Variants in FILIP1 observed in about 807,000 individuals in gnomAD.
FILIP1 encodes the protein filamin A interacting protein 1, also known as filamin-A-interacting protein 1.
Under a neutral mutation model 102.1 loss-of-function variants are expected in FILIP1, and 61 were observed. The ratio of observed to expected loss-of-function variants is 0.60; its 90% confidence interval spans 0.49 to 0.74. The LOEUF is 0.74. Among genes scored for constraint, FILIP1 ranks in the 30% least tolerant of loss-of-function variants. The pLI, the probability that FILIP1 is intolerant of heterozygous loss-of-function variation, is 0.00. For synonymous variants in FILIP1, 491 were observed against 526.9 expected (o/e 0.93, Z 0.93); for missense variants, 1,314 against 1,441.2 (o/e 0.91, Z 1.43).
At chr6:75,357,174 T>C (rs1408147850) in intron 3 of FILIP1, 1 of 152,236 alleles carries the variant, frequency 6.6e-6, no homozygotes, top group Admixed American at 6.5e-5. Flanking sequence ...CTGCCTGTCA[T>C]ACAATGATAC....
At chr6:75,327,764 G>T (rs1390143243) in intron 4 of FILIP1, among the ~76,000 whole-genome samples, 1 of 151,514 alleles carries the variant, frequency 6.6e-6, no homozygotes, top group Non-Finnish European at 1.5e-5. Context: ...ATGAAAACAT[G>T]CTACTATTGA....
At chr6:75,373,078 A>C (rs2149629730) in intron 2 of FILIP1, among the ~76,000 whole-genome samples, 1 of 152,370 alleles carries the variant, frequency 6.6e-6, no homozygotes, top group South Asian at 2.1e-4. Flanking sequence ...TGGTACATAC[A>C]TACAATGGAA....
chr6:75,344,166 T>C (rs1222667299), intron 4 of FILIP1, among the ~76,000 whole-genome samples: 3 of 152,156 alleles, frequency 2.0e-5, no homozygotes, highest in African/African-American at 7.2e-5. Flanking sequence ...TTTTTGTTTG[T>C]TTGTTGTTTG....
At chr6:75,344,770 T>C (rs1393166501) in intron 4 of FILIP1, among the ~76,000 whole-genome samples, 1 of 152,220 alleles carries the variant, frequency 6.6e-6, no homozygotes, top group Non-Finnish European at 1.5e-5. Context: ...GTATGAGGCC[T>C]TTTCAGCAAA....
chr6:75,450,924 C>T (rs186185262), intron 1 of FILIP1, among the ~76,000 whole-genome samples: 89 of 152,164 alleles, frequency 5.8e-4, no homozygotes, highest in African/African-American at 2.1e-3. Flanking sequence ...CATTGCACTC[C>T]AGCCTGAGCA....
chr6:75,334,866 T>C (rs1774189864), intron 4 of FILIP1: 1 of 152,120 alleles, frequency 6.6e-6, no homozygotes, highest in African/African-American at 2.4e-5. Flanking sequence ...GGCTCATTAT[T>C]GTGCAGATTT....
intron 4 of FILIP1, among the ~76,000 whole-genome samples, chr6:75,324,138 G>C: frequency 6.6e-6 from 1 of 151,980 alleles, no homozygotes; most frequent in East Asian, 1.9e-4. Context: ...CCTATACCTA[G>C]AAAATCCTAA....
chr6:75,412,621 C>A (rs1198930888), intron 2 of FILIP1, among the ~76,000 whole-genome samples: 4 of 152,148 alleles, frequency 2.6e-5, no homozygotes, highest in East Asian at 3.8e-4. Flanking sequence ...CAACACCTCC[C>A]ATATGACAAT....
chr6:75,312,533 T>G lies in FILIP1; in HGVS notation c.3299A>C (p.Glu1100Ala), dbSNP rs761789063. 10 of 1,614,192 alleles carry G rather than the reference T, an allele frequency of 6.2e-6. No homozygotes were observed. The highest frequency in any genetic ancestry group is 8.5e-6 in the Non-Finnish European group (10 of 1,180,034). ...GACAGTGCCGGTGGAAACCTCCTTT[T>G]CGGCTGTCACGTTTACTGGTCGGAC... The part of the protein sequence containing the change: ...ITVRPVNVTA[E>A]KEVSTGTVLR... The change falls in exon 5 of 6, where the codon GAA becomes GCA. Residue 1100 changes from glutamate (E) to alanine (A), a missense_variant. Transcript: ENST00000237172.
Position 75,308,578 on chromosome 6 carries a change from A to G in FILIP1, c.*113T>C. 1 of 1,519,710 alleles carries G rather than the reference A, an allele frequency of 6.6e-7. No homozygotes were observed. The highest frequency in any genetic ancestry group is 8.8e-7 in the Non-Finnish European group (1 of 1,139,262). The allele number at this position is 1,519,710 out of a possible 1,614,324, so 94.1% of individuals were successfully genotyped here. Reference sequence around the variant, plus strand: ...TGGTTATTAGTTGGTTATTTTATAAACACAATATTTAAAACTTAAATTAGT... The same window carrying G: ...TGGTTATTAGTTGGTTATTTTATAAGCACAATATTTAAAACTTAAATTAGT... On this transcript the variant is annotated 3_prime_UTR_variant, in exon 6 of 6. Coordinates refer to ENST00000237172, the MANE Select transcript of FILIP1 (RefSeq NM_015687.5).
chr6:75,436,577 T>C (rs1019392198), intron 1 of FILIP1, among the ~76,000 whole-genome samples: 2 of 152,150 alleles, frequency 1.3e-5, no homozygotes, highest in African/African-American at 4.8e-5. Flanking sequence ...TCAATAATTA[T>C]ACGGTGGAGC....
At chr6:75,460,431 T>G (rs977925004) in intron 1 of FILIP1, among the ~76,000 whole-genome samples, 4 of 152,170 alleles carry the variant, frequency 2.6e-5, no homozygotes, top group Non-Finnish European at 4.4e-5. Context: ...AATCTAAATA[T>G]TATTTGGGGA....
chr6:75,297,747 G>T (rs1018471), intron 6 of FILIP1, among the ~76,000 whole-genome samples: 61,225 of 151,906 alleles, frequency 0.4, 12,393 homozygotes, highest in East Asian at 0.55. Flanking sequence ...AGATTCCAAA[G>T]AGTAAAAAGA....
chr6:75,407,463 T>A (rs1000977899), intron 2 of FILIP1, among the ~76,000 whole-genome samples: 1 of 152,172 alleles, frequency 6.6e-6, no homozygotes, highest in Non-Finnish European at 1.5e-5. Flanking sequence ...CCTGACCTTG[T>A]GATCCGCCCA....
chr6:75,326,086 A>ATT (rs1172144336), intron 4 of FILIP1, among the ~76,000 whole-genome samples: 5 of 140,636 alleles, frequency 3.6e-5, no homozygotes, highest in Non-Finnish European at 6.1e-5. Flanking sequence ...AGATAGATAG[A>ATT]TAGATAGATT....
chr6:75,441,777 G>C (rs1778251253), intron 1 of FILIP1, among the ~76,000 whole-genome samples: 1 of 148,524 alleles, frequency 6.7e-6, no homozygotes, highest in African/African-American at 2.5e-5. Flanking sequence ...TTCCCAGTAG[G>C]GGCAGCCGGG....
At position 75,453,095 on chromosome 6, in the gene FILIP1, A is replaced by G. The variant is rs558337430; in HGVS notation, c.-6-38117T>C. On this transcript the variant is annotated intron_variant, in intron 1 of 5. Transcript: ENST00000237172. ...ATCAGGCTCAAGCCAAGGTTAGTAC[A>G]TCTTGGATTACCCTAAGCTGGTCAT... Among the ~76,000 whole-genome samples, 5 of 152,312 alleles carry G rather than the reference A, an allele frequency of 3.3e-5. No homozygotes were observed. The East Asian group carries it at 9.6e-4, about 29-fold the overall frequency.
chr6:75,429,928 C>A (rs1207929211), intron 1 of FILIP1, among the ~76,000 whole-genome samples: 1 of 152,168 alleles, frequency 6.6e-6, no homozygotes, highest in Admixed American at 6.5e-5. Context: ...GACACACACA[C>A]AAAAATAAAA....
chr6:75,416,709 C>T (rs111772983), intron 1 of FILIP1, among the ~76,000 whole-genome samples: 1 of 152,040 alleles, frequency 6.6e-6, no homozygotes, highest in African/African-American at 2.4e-5. Flanking sequence ...GACTTCATAC[C>T]ACATGTGAAT....
Sources: allele counts gnomAD v4.1 joint callset (sites outside exome capture counted in the v4.1 genomes callset), GRCh38; gene constraint gnomAD v4.1.1; transcripts MANE v1.5; gene names NCBI Gene and HGNC (gene_info 2026-07-23, HGNC 2026-07-21).